CNGA1: variants seen among roughly 807,000 people sequenced by gnomAD.
CNGA1 encodes cyclic nucleotide-gated channel alpha-1.
A neutral mutation model predicts 69.7 loss-of-function variants in CNGA1; 53 were observed. The ratio of observed to expected loss-of-function variants is 0.76; its 90% CI spans 0.61 to 0.96. The LOEUF (loss-of-function observed/expected upper bound fraction) is 0.96, where lower values mean the gene tolerates loss of function less well. Ranked by LOEUF, CNGA1 falls within the 40% of genes least tolerant of loss-of-function variation. CNGA1 has a pLI of 0.00. For missense variants in CNGA1, 739 were observed against 811.2 expected (o/e 0.91, Z 1.08); for synonymous variants, 249 against 283.5 (o/e 0.88, Z 1.22).
intron 5 of CNGA1, 110 bp from the exon 6 acceptor site, chr4:47,950,005 T>G: frequency 1.2e-6 from 1 of 856,222 alleles, no homozygotes; most frequent in African/African-American, 1.7e-5. Context: ...TACTCATTAC[T>G]AAAGACTATG....
intron 2 of CNGA1, among the ~76,000 whole-genome samples, chr4:47,996,003 T>C (rs1326495327): frequency 2.6e-5 from 4 of 152,152 alleles, no homozygotes; most frequent in Admixed American, 2.0e-4. Flanking sequence ...AAACCATCTG[T>C]GGGTCTCTCA....
intron 2 of CNGA1, among the ~76,000 whole-genome samples, chr4:47,990,135 A>G (rs991470174): frequency 1.3e-5 from 2 of 152,194 alleles, no homozygotes; most frequent in African/African-American, 4.8e-5. Flanking sequence ...ATATGAAATC[A>G]GTGCACCCTG....
In CNGA1 at chr4:47,949,271, C is replaced by CT. The variant is rs758636862; in HGVS notation, c.287+561dup. Among the ~76,000 whole-genome samples, 10 of 152,284 alleles carry CT rather than the reference C, an allele frequency of 6.6e-5. No homozygotes were observed. In the East Asian group the frequency reaches 1.5e-3, roughly 23 times the overall value. ...GTTATGCTCCATCTTCTAGGGCCAA[C>CT]TTTTTTCCAATAACTGTGCATGGGA... On this transcript the variant is annotated intron_variant, in intron 6 of 10. Transcript: ENST00000514170.
At chr4:47,970,919 G>A in intron 3 of CNGA1, 1 of 453,830 alleles carries the variant, frequency 2.2e-6, no homozygotes, top group Non-Finnish European at 4.4e-6. Flanking sequence ...ACTTTGGGAG[G>A]CTGAGGTGGG....
chr4:47,971,789 G>T (rs1043961882), intron 3 of CNGA1, among the ~76,000 whole-genome samples: 1 of 152,150 alleles, frequency 6.6e-6, no homozygotes, highest in Non-Finnish European at 1.5e-5. Flanking sequence ...AGCTACTGGG[G>T]AGGCTGAGAC....
intron 3 of CNGA1, among the ~76,000 whole-genome samples, chr4:47,969,442 C>G (rs563352686): frequency 6.6e-6 from 1 of 152,150 alleles, no homozygotes; most frequent in South Asian, 2.1e-4. Flanking sequence ...GGAAACCAAA[C>G]TCAGTTTTTT....
At chr4:47,974,546 G>T (rs1741244744) in intron 3 of CNGA1, among the ~76,000 whole-genome samples, 1 of 151,312 alleles carries the variant, frequency 6.6e-6, no homozygotes, top group South Asian at 2.1e-4. Context: ...TTCCATTATT[G>T]GGCAGGGTGC....
At chr4:47,951,653 ATG>A (rs1739748490) in intron 4 of CNGA1, among the ~76,000 whole-genome samples, 184 bp from the exon 5 acceptor site, 1 of 152,254 alleles carries the variant, frequency 6.6e-6, no homozygotes, top group Non-Finnish European at 1.5e-5. Context: ...TATATAAAAT[ATG>A]TGCATAATTC....
At position 47,961,803 on chromosome 4, in the gene CNGA1, A is replaced by G. The variant is rs1038317494; in HGVS notation, c.-14-9100T>C. ...GCTACTGAGCACTGGAAATGTGGCT[A>G]GTGAGACTGAAGACTGGATTTTAAA... On this transcript the variant is annotated intron_variant, in intron 3 of 10. Transcript: ENST00000514170. Among the ~76,000 whole-genome samples, 2 of 152,356 alleles carry G rather than the reference A, an allele frequency of 1.3e-5. 1 individual carries two copies. Among genetic ancestry groups the G allele is most frequent in the South Asian group, 4.1e-4 (2 of 4,828 alleles).
At chr4:47,992,810 T>C (rs1742329517) in intron 2 of CNGA1, among the ~76,000 whole-genome samples, 1 of 152,104 alleles carries the variant, frequency 6.6e-6, no homozygotes, top group African/African-American at 2.4e-5. Context: ...CCATTCAGTA[T>C]TATGTTGGCT....
intron 3 of CNGA1, among the ~76,000 whole-genome samples, chr4:47,954,001 C>G (rs757711693): frequency 2.0e-5 from 3 of 152,116 alleles, no homozygotes; most frequent in Non-Finnish European, 4.4e-5. Context: ...TCACGTCCCC[C>G]CCATCCTGTG....
intron 3 of CNGA1, among the ~76,000 whole-genome samples, chr4:47,977,972 A>C (rs549293561): frequency 6.6e-6 from 1 of 152,020 alleles, no homozygotes; most frequent in African/African-American, 2.4e-5. Flanking sequence ...GATTACAGGC[A>C]TGTGTCACTA....
In CNGA1 at chr4:47,936,912, C is replaced by A. The variant is rs373946784; in HGVS notation, c.1570G>T (p.Ala524Ser). 18 of 1,614,004 alleles carry A rather than the reference C, an allele frequency of 1.1e-5. No homozygotes were observed. The highest frequency in any genetic ancestry group is 1.4e-5 in the Non-Finnish European group (16 of 1,180,028). Residue 524 changes from alanine (A) to serine (S), a missense_variant, in exon 11 of 11, where the codon GCA becomes TCA. Transcript: ENST00000514170. ...ACAAACTGAGTGACTCCATCATCTGCCACCACAGCGAGTTTGCCTTCCTTG... is the reference window on the plus strand; with the variant it reads ...ACAAACTGAGTGACTCCATCATCTGACACCACAGCGAGTTTGCCTTCCTTG... The part of the protein sequence containing the change: ...IIKEGKLAVV[A>S]DDGVTQFVVL...
intron 3 of CNGA1, among the ~76,000 whole-genome samples, chr4:47,980,864 T>C (rs1347518611): frequency 6.9e-5 from 6 of 87,384 alleles, no homozygotes; most frequent in East Asian, 3.2e-4. Flanking sequence ...CTTCATAGAG[T>C]AGTATTGTAT....
rs371596839 is a variant in CNGA1, at chr4:47,940,803, G to A, written c.612C>T (p.Asp204=). ...CAAACATATCGATTAAATAGACTAT[G>A]TCTGATACGTAATCCAAAATGAGCC... is the stretch of plus-strand genomic sequence containing the variant. ...EYWLILDYVS[D]IVYLIDMFVR... Residue 204 remains aspartate, a synonymous_variant, in exon 10 of 11, where the codon GAC becomes GAT. Coordinates refer to ENST00000514170, the MANE Select transcript of CNGA1 (RefSeq NM_001379270.1). 1.2e-6 allele frequency: 2 copies of A among 1,610,946 alleles called. No individual in the cohort carries two copies. The highest frequency in any genetic ancestry group is 1.3e-5 in the African/African-American group (1 of 74,958).
At chr4:48,001,672 G>GAGCA (rs1714669360) in intron 2 of CNGA1, among the ~76,000 whole-genome samples, 1 of 152,102 alleles carries the variant, frequency 6.6e-6, no homozygotes, top group African/African-American at 2.4e-5. Flanking sequence ...ACTACATTTA[G>GAGCA]AGCAAGCAAC....
At chr4:47,984,642 A>C (rs1741897718) in intron 2 of CNGA1, among the ~76,000 whole-genome samples, 2 of 55,206 alleles carry the variant, frequency 3.6e-5, no homozygotes, top group Non-Finnish European at 1.0e-4. Flanking sequence ...CAAACAAATA[A>C]AAAAAATATA....
intron 2 of CNGA1, among the ~76,000 whole-genome samples, chr4:47,981,744 C>G (rs1420426567): frequency 6.6e-6 from 1 of 152,104 alleles, no homozygotes; most frequent in Admixed American, 6.5e-5. Context: ...AAGAGGGGTT[C>G]TCAAAGCTAC....
chr4:47,940,322 A>G (rs1246329125), intron 10 of CNGA1, among the ~76,000 whole-genome samples: 1 of 152,228 alleles, frequency 6.6e-6, no homozygotes, highest in Admixed American at 6.5e-5. Flanking sequence ...TCTGGTCAAT[A>G]ATATCTCACC....
Sources: gnomAD v4.1 joint callset for allele counts (sites outside exome capture counted in the v4.1 genomes callset) on GRCh38, gnomAD v4.1.1 for gene constraint, MANE v1.5 for transcripts, NCBI Gene and HGNC (gene_info 2026-07-23, HGNC 2026-07-21) for gene names.